The following SYNDIG1 variants were observed in gnomAD, a reference collection of about 807,000 sequenced individuals.
SYNDIG1 encodes synapse differentiation-inducing gene protein 1.
A neutral mutation model predicts 19.4 loss-of-function variants in SYNDIG1; 9 were observed. The observed-to-expected ratio is 0.46, with a 90% CI of 0.28 to 0.81. The LOEUF is 0.81. Ranked by LOEUF, SYNDIG1 falls within the 30% of genes least tolerant of loss-of-function variation. SYNDIG1 has a pLI of 0.12. For synonymous variants in SYNDIG1, 141 were observed against 145.9 expected, an observed-to-expected ratio of 0.97 and a Z score of 0.24; for missense variants, 311 against 343.3, an observed-to-expected ratio of 0.91 and a Z score of 0.74.
At chr20:24,659,033 C>A (rs2059558285) in intron 3 of SYNDIG1, among the ~76,000 whole-genome samples, 1 of 152,042 alleles carries the variant, frequency 6.6e-6, no homozygotes, top group Non-Finnish European at 1.5e-5. Context: ...ACTCCTCTCA[C>A]CCCCCTCCTT....
intron 2 of SYNDIG1, among the ~76,000 whole-genome samples, chr20:24,563,919 G>A (rs1258615536): frequency 1.3e-5 from 2 of 152,136 alleles, no homozygotes; most frequent in African/African-American, 4.8e-5. Flanking sequence ...CCGAATTTTA[G>A]TTGGTTGGGG....
At chr20:24,492,744 C>CT (rs2056192785) in intron 1 of SYNDIG1, among the ~76,000 whole-genome samples, 1 of 152,250 alleles carries the variant, frequency 6.6e-6, no homozygotes, top group South Asian at 2.1e-4. Context: ...AGCTTACCAC[C>CT]TGCACGCCCA....
chr20:24,491,913 G>C (rs2056160697), intron 1 of SYNDIG1, among the ~76,000 whole-genome samples: 1 of 152,148 alleles, frequency 6.6e-6, no homozygotes, highest in South Asian at 2.1e-4. Context: ...GTACTCTTTG[G>C]AAACAAAAGC....
intron 1 of SYNDIG1, among the ~76,000 whole-genome samples, chr20:24,524,640 T>C (rs1350168127): frequency 1.3e-5 from 2 of 150,504 alleles, no homozygotes; most frequent in African/African-American, 2.5e-5. Context: ...AGCGAGACTC[T>C]GTCTCAAAAA....
intron 1 of SYNDIG1, among the ~76,000 whole-genome samples, chr20:24,496,798 G>C (rs886949456): frequency 2.6e-5 from 4 of 152,056 alleles, no homozygotes; most frequent in Non-Finnish European, 5.9e-5. Flanking sequence ...AGAGCTGGGG[G>C]AGAAAAAAAG....
In SYNDIG1 at chr20:24,475,250, G is replaced by A. The variant is rs1338837565; in HGVS notation, c.-79+5497G>A. Among the ~76,000 whole-genome samples, 3 of 152,226 alleles carry A rather than the reference G, an allele frequency of 2.0e-5. No homozygotes were observed. The South Asian group carries it at 6.2e-4, about 32-fold the overall frequency. On this transcript the variant is annotated intron_variant, in intron 1 of 3. Transcript: ENST00000376862. ...CCAGTGGAAACCCAGTAGCCATGCT[G>A]GGGAGTGGCCTGAGGCATTAGCTTT... is the stretch of plus-strand genomic sequence containing the variant.
chr20:24,610,660 A>G lies in SYNDIG1; in HGVS notation c.618+25667A>G, dbSNP rs147267015. ...CAGGACACAATTTATTATGCATGAA[A>G]GTTGAATCGTGAGAAAGGGAGTTGC... On this transcript the variant is annotated intron_variant, in intron 3 of 3. Transcript: ENST00000376862. 9.0e-3 allele frequency among the ~76,000 whole-genome samples: 1,368 copies of G among 152,358 alleles called. 11 individuals carry two copies. The highest frequency in any genetic ancestry group is 0.02 in the Middle Eastern group (6 of 294).
chr20:24,481,702 A>C (rs2146246465), intron 1 of SYNDIG1, among the ~76,000 whole-genome samples: 1 of 152,306 alleles, frequency 6.6e-6, no homozygotes, highest in East Asian at 1.9e-4. Flanking sequence ...GAGAGCTCTG[A>C]AACAGATGCC....
At chr20:24,590,994 C>G in intron 3 of SYNDIG1, among the ~76,000 whole-genome samples, 1 of 151,970 alleles carries the variant, frequency 6.6e-6, no homozygotes, top group East Asian at 1.9e-4. Flanking sequence ...CGCGGAGGGA[C>G]TTGTGGGTGC....
rs181520520 is a variant in SYNDIG1, at chr20:24,665,444, C to T, written c.717C>T (p.Gly239=). ...LAVLSITIGT[G]VYVGVAVALI... ...TGCTGTCCATCACCATTGGGACTGG[C>T]GTCTATGTGGGCGTGGCCGTGGCCC... Residue 239 remains glycine, a synonymous_variant, in exon 4 of 4, where the codon GGC becomes GGT. Coordinates refer to ENST00000376862, the MANE Select transcript of SYNDIG1 (RefSeq NM_024893.3). The T allele has an allele frequency of 1.3e-4, 211 of 1,614,006 alleles. No individual in the cohort carries two copies. The highest frequency in any genetic ancestry group is 1.7e-4 in the Non-Finnish European group (196 of 1,179,970).
At chr20:24,594,188 C>T (rs1026224275) in intron 3 of SYNDIG1, among the ~76,000 whole-genome samples, 3 of 151,988 alleles carry the variant, frequency 2.0e-5, no homozygotes, top group African/African-American at 7.3e-5. Context: ...GTCTTTAATC[C>T]ATCTTGAATT....
intron 2 of SYNDIG1, among the ~76,000 whole-genome samples, chr20:24,559,719 A>G (rs2057898582): frequency 6.6e-6 from 1 of 152,042 alleles, no homozygotes. Flanking sequence ...TTTTGCTCTC[A>G]TTTTTGGAGA....
At chr20:24,637,402 T>C (rs1164120164) in intron 3 of SYNDIG1, among the ~76,000 whole-genome samples, 1 of 152,146 alleles carries the variant, frequency 6.6e-6, no homozygotes, top group Non-Finnish European at 1.5e-5. Context: ...TGAAAAGCAG[T>C]GGCATTGGAG....
intron 3 of SYNDIG1, among the ~76,000 whole-genome samples, chr20:24,662,475 G>A (rs779881453): frequency 7.2e-5 from 11 of 152,132 alleles, no homozygotes; most frequent in African/African-American, 1.9e-4. Context: ...TGGGGGCTAC[G>A]TCTGATGCCC....
chr20:24,550,217 C>T (rs145944664), intron 2 of SYNDIG1, among the ~76,000 whole-genome samples: 7 of 152,304 alleles, frequency 4.6e-5, no homozygotes, highest in Admixed American at 2.0e-4. Flanking sequence ...TTTTCTTTAT[C>T]CATTTATCTG....
intron 1 of SYNDIG1, among the ~76,000 whole-genome samples, chr20:24,471,052 A>G (rs1243317967): frequency 6.6e-6 from 1 of 152,060 alleles, no homozygotes; most frequent in African/African-American, 2.4e-5. Context: ...GAGTCCGTGT[A>G]TCTGTCCGTC....
At chr20:24,546,887 C>A (rs6114768) in intron 2 of SYNDIG1, among the ~76,000 whole-genome samples, 111,925 of 151,924 alleles carry the variant, frequency 0.74, 41,847 homozygotes, top group African/African-American at 0.88. Context: ...TTCTACTCAG[C>A]CAAAAAAGAA....
At chr20:24,533,799 A>G (rs1264961607) in intron 1 of SYNDIG1, among the ~76,000 whole-genome samples, 2 of 152,132 alleles carry the variant, frequency 1.3e-5, no homozygotes, top group Non-Finnish European at 2.9e-5. Context: ...TAGCACCATC[A>G]ATCCCTGGGA....
chr20:24,533,649 T>G (rs774341555), intron 1 of SYNDIG1, among the ~76,000 whole-genome samples: 5 of 151,806 alleles, frequency 3.3e-5, no homozygotes, highest in Non-Finnish European at 7.4e-5. Context: ...TGGGGAAGTG[T>G]CAAACACCAG....
Sources: gnomAD v4.1 joint callset for allele counts (sites outside exome capture counted in the v4.1 genomes callset) on GRCh38, gnomAD v4.1.1 for gene constraint, MANE v1.5 for transcripts, NCBI Gene and HGNC (gene_info 2026-07-23, HGNC 2026-07-21) for gene names.